Variants in ADARB2 observed in about 807,000 individuals in gnomAD.
ADARB2 encodes adenosine deaminase RNA specific B2 (inactive), also known as inactive double-stranded RNA-specific editase B2.
In ADARB2, 25 loss-of-function variants were observed where a neutral mutation model predicts 62.2. The observed-to-expected ratio is 0.40, with a 90% CI of 0.29 to 0.56. ADARB2 has a LOEUF of 0.56. Among genes scored for constraint, ADARB2 ranks in the 20% least tolerant of loss-of-function variants. The probability of loss-of-function intolerance (pLI) is 0.43; values close to 1 mark genes in which losing one functional copy is unlikely to be tolerated. For synonymous variants in ADARB2, 572 were observed against 500.8 expected (o/e 1.14, Z -1.90); for missense variants, 1,071 against 1,077.4 (o/e 0.99, Z 0.08).
chr10:1,644,420 G>A (rs6560752), intron 1 of ADARB2, among the ~76,000 whole-genome samples: 143,087 of 152,348 alleles, frequency 0.94, 67,385 homozygotes, highest in Non-Finnish European at 0.98. Flanking sequence ...GCCTACATCT[G>A]TCACCTCCCT....
chr10:1,403,832 T>G (rs1210151324), intron 1 of ADARB2, among the ~76,000 whole-genome samples: 1 of 152,206 alleles, frequency 6.6e-6, no homozygotes, highest in Non-Finnish European at 1.5e-5. Flanking sequence ...CATTCATCAT[T>G]GTAGTGCTCC....
chr10:1,404,929 C>T (rs956179262), intron 1 of ADARB2, among the ~76,000 whole-genome samples: 9 of 152,212 alleles, frequency 5.9e-5, no homozygotes, highest in Non-Finnish European at 8.8e-5. Flanking sequence ...TTTAAGGACA[C>T]GCAGCTTGTT....
chr10:1,342,964 A>T (rs1384190079), intron 3 of ADARB2, among the ~76,000 whole-genome samples: 1 of 152,254 alleles, frequency 6.6e-6, no homozygotes, highest in Non-Finnish European at 1.5e-5. Context: ...CTTCAACTTA[A>T]GAGACTTGTA....
chr10:1,364,459 G>A (rs978454251), intron 2 of ADARB2, among the ~76,000 whole-genome samples: 23 of 152,218 alleles, frequency 1.5e-4, no homozygotes, highest in Admixed American at 1.4e-3. Flanking sequence ...GAGGCACTGC[G>A]GCCTTGGGGT....
chr10:1,574,084 A>G (rs1322771573), intron 1 of ADARB2, among the ~76,000 whole-genome samples: 1 of 152,208 alleles, frequency 6.6e-6, no homozygotes, highest in Non-Finnish European at 1.5e-5. Context: ...TTAGATACCC[A>G]CACAGGGAAT....
chr10:1,629,545 A>T (rs1394645220), intron 1 of ADARB2, among the ~76,000 whole-genome samples: 1 of 60,006 alleles, frequency 1.7e-5, no homozygotes, highest in African/African-American at 6.7e-5. Flanking sequence ...CAGTACTCAA[A>T]CCCCCCCAGC....
At chr10:1,183,946 T>C (rs1383296832) in intron 9 of ADARB2, among the ~76,000 whole-genome samples, 1 of 152,186 alleles carries the variant, frequency 6.6e-6, no homozygotes, top group Non-Finnish European at 1.5e-5. Context: ...ACCTCGAGCA[T>C]GTGCAAGAGG....
chr10:1,389,678 G>A (rs1025391068), intron 1 of ADARB2, among the ~76,000 whole-genome samples: 2 of 152,048 alleles, frequency 1.3e-5, no homozygotes, highest in Admixed American at 6.6e-5. Context: ...GGGAGGCAGA[G>A]GTTGCAGTGA....
chr10:1,613,912 G>C (rs1833600353), intron 1 of ADARB2, among the ~76,000 whole-genome samples: 1 of 152,190 alleles, frequency 6.6e-6, no homozygotes, highest in African/African-American at 2.4e-5. Context: ...GATTACTATA[G>C]AGTACAAAGC....
At chr10:1,364,799 G>A (rs1337543173) in intron 2 of ADARB2, among the ~76,000 whole-genome samples, 1 of 151,946 alleles carries the variant, frequency 6.6e-6, no homozygotes, top group East Asian at 1.9e-4. Context: ...GCAACCCTGA[G>A]TTGAGCAACT....
chr10:1,713,363 A>G (rs1834976650), intron 1 of ADARB2, among the ~76,000 whole-genome samples: 1 of 152,202 alleles, frequency 6.6e-6, no homozygotes, highest in Admixed American at 6.5e-5. Context: ...GAGTTAGAGA[A>G]GAACATTAGA....
At position 1,427,172 on chromosome 10, in the gene ADARB2, G is replaced by A. The variant is rs369157588; in HGVS notation, c.101-48012C>T. Among the ~76,000 whole-genome samples, 23 of 152,340 alleles carry A rather than the reference G, an allele frequency of 1.5e-4. 1 individual carries two copies. Among genetic ancestry groups the A allele is most frequent in the African/African-American group, 5.5e-4 (23 of 41,588 alleles). On this transcript the variant is annotated intron_variant, in intron 1 of 9. Transcript: ENST00000381312. ...AGGTCACCTTTTTAGAACATGGTGTGGGAGTTCTCAGATGTGATGCTGAGT... is the reference window on the plus strand; with the variant it reads ...AGGTCACCTTTTTAGAACATGGTGTAGGAGTTCTCAGATGTGATGCTGAGT...
At chr10:1,470,084 G>GCCTGACCCTCTCCCAGGGTCATCTGA (rs55977512) in intron 1 of ADARB2, among the ~76,000 whole-genome samples, 47,689 of 149,044 alleles carry the variant, frequency 0.32, 9,017 homozygotes, top group South Asian at 0.46. Flanking sequence ...AGGTCATCCA[G>GCCTGACCCTCTCCCAGGGTCATCTGA]CCTGACCCTC....
intron 1 of ADARB2, among the ~76,000 whole-genome samples, chr10:1,388,876 GC>G (rs1180672619): frequency 1.1e-4 from 16 of 151,996 alleles, no homozygotes. Context: ...ATATGGAAAT[GC>G]AAAAGACCCA....
At chr10:1,532,618 C>T (rs1832260983) in intron 1 of ADARB2, among the ~76,000 whole-genome samples, 1 of 152,150 alleles carries the variant, frequency 6.6e-6, no homozygotes, top group African/African-American at 2.4e-5. Flanking sequence ...TTATGGGCAG[C>T]TGTCCACTGC....
At chr10:1,206,398 C>T (rs1837066380) in intron 7 of ADARB2, among the ~76,000 whole-genome samples, 2 of 151,612 alleles carry the variant, frequency 1.3e-5, no homozygotes, top group African/African-American at 4.9e-5. Flanking sequence ...GACGTCTCCT[C>T]CTCGTGCCTG....
intron 1 of ADARB2, chr10:1,678,184 C>T (rs1390519949): frequency 8.1e-6 from 8 of 985,308 alleles, no homozygotes; most frequent in Non-Finnish European, 9.6e-6. Context: ...ATGCCCAGGG[C>T]AATGCCACAG....
chr10:1,420,937 A>G (rs898212732), intron 1 of ADARB2, among the ~76,000 whole-genome samples: 2 of 152,032 alleles, frequency 1.3e-5, no homozygotes, highest in African/African-American at 4.8e-5. Flanking sequence ...TGAAAGCGAA[A>G]TGTTCCTGCC....
chr10:1,508,900 G>C (rs2131943301), intron 1 of ADARB2, among the ~76,000 whole-genome samples: 1 of 152,320 alleles, frequency 6.6e-6, no homozygotes, highest in Non-Finnish European at 1.5e-5. Context: ...CGTGAACCCA[G>C]GCTCTGCGGA....
Sources: gnomAD v4.1 joint callset for allele counts (sites outside exome capture counted in the v4.1 genomes callset) on GRCh38, gnomAD v4.1.1 for gene constraint, MANE v1.5 for transcripts, NCBI Gene and HGNC (gene_info 2026-07-23, HGNC 2026-07-21) for gene names.